RARB: variants seen among roughly 807,000 people sequenced by gnomAD.
RARB encodes retinoic acid receptor beta.
A neutral mutation model predicts 51.9 loss-of-function variants in RARB; 17 were observed. The ratio of observed to expected loss-of-function variants is 0.33; its 90% CI spans 0.22 to 0.49. The LOEUF (loss-of-function observed/expected upper bound fraction) is 0.49, where lower values mean the gene tolerates loss of function less well. Among genes scored for constraint, RARB ranks in the 20% least tolerant of loss-of-function variants. The pLI is 0.99. For synonymous variants in RARB, 215 were observed against 195.4 expected, an observed-to-expected ratio of 1.10 and a Z score of -0.84; for missense variants, 369 against 550.8, an observed-to-expected ratio of 0.67 and a Z score of 3.30.
chr3:25,034,862 A>G (rs1336234841), intron 2 of RARB, among the ~76,000 whole-genome samples: 2 of 152,214 alleles, frequency 1.3e-5, no homozygotes, highest in Non-Finnish European at 2.9e-5. Flanking sequence ...GAAACATTGG[A>G]GTGCCATTTC....
intron 2 of RARB, among the ~76,000 whole-genome samples, chr3:25,043,296 T>C (rs1052781854): frequency 1.3e-5 from 2 of 152,230 alleles, no homozygotes; most frequent in Non-Finnish European, 2.9e-5. Flanking sequence ...AAAATGTGTA[T>C]CTGGCCATTC....
intron 2 of RARB, among the ~76,000 whole-genome samples, chr3:25,487,468 G>A (rs899772036): frequency 1.3e-4 from 11 of 84,114 alleles, no homozygotes; most frequent in Non-Finnish European, 2.9e-4. Flanking sequence ...ATTTATGTCC[G>A]GCACTTTTTT....
chr3:25,451,190 G>A (rs1316385015), intron 1 of RARB, among the ~76,000 whole-genome samples: 2 of 152,312 alleles, frequency 1.3e-5, no homozygotes, highest in Admixed American at 1.3e-4. Flanking sequence ...GTGAAGGTTG[G>A]CTATCATTTA....
chr3:25,544,976 T>C (rs1699558099), intron 3 of RARB, among the ~76,000 whole-genome samples: 1 of 152,214 alleles, frequency 6.6e-6, no homozygotes, highest in Non-Finnish European at 1.5e-5. Flanking sequence ...TTGTTGTTTT[T>C]CTTGAGACGG....
At chr3:25,337,732 A>AT (rs1292932289) in intron 5 of RARB, among the ~76,000 whole-genome samples, 7 of 152,034 alleles carry the variant, frequency 4.6e-5, no homozygotes, top group East Asian at 1.9e-4. Context: ...ACCCTGCTTT[A>AT]TTTTTTTGTG....
At chr3:25,053,418 T>A (rs1244280302) in intron 2 of RARB, among the ~76,000 whole-genome samples, 2 of 152,172 alleles carry the variant, frequency 1.3e-5, no homozygotes, top group African/African-American at 4.8e-5. Context: ...AAAAGCAGTT[T>A]CCTTTGCTTA....
chr3:25,077,633 T>G (rs1321847079), intron 3 of RARB, among the ~76,000 whole-genome samples: 1 of 152,212 alleles, frequency 6.6e-6, no homozygotes, highest in East Asian at 1.9e-4. Flanking sequence ...TAAATAAAAC[T>G]GCTATGAAGA....
chr3:25,127,940 T>G (rs553424134), intron 3 of RARB, among the ~76,000 whole-genome samples: 2 of 152,104 alleles, frequency 1.3e-5, no homozygotes, highest in African/African-American at 2.4e-5. Context: ...TTTGGGTACA[T>G]GTACATAAGG....
chr3:24,898,803 T>C (rs1575060920), intron 2 of RARB, among the ~76,000 whole-genome samples: 3 of 152,214 alleles, frequency 2.0e-5, no homozygotes. Context: ...CTTTTGTCCT[T>C]CCTGTTGCGA....
At chr3:24,925,646 T>C (rs1695304788) in intron 2 of RARB, among the ~76,000 whole-genome samples, 1 of 133,018 alleles carries the variant, frequency 7.5e-6, no homozygotes. Context: ...ATCCTGTCTT[T>C]TTTTTTTTTA....
At chr3:25,338,474 T>A (rs1025208213) in intron 5 of RARB, among the ~76,000 whole-genome samples, 1 of 152,176 alleles carries the variant, frequency 6.6e-6, no homozygotes, top group Non-Finnish European at 1.5e-5. Flanking sequence ...GGAGAGTCTA[T>A]GTACTGAATT....
intron 5 of RARB, among the ~76,000 whole-genome samples, chr3:25,189,244 C>T (rs1053950135): frequency 1.3e-5 from 2 of 152,094 alleles, no homozygotes; most frequent in Admixed American, 6.5e-5. Flanking sequence ...ACCCTGTCTC[C>T]AGGTACATCG....
At chr3:25,355,134 A>G (rs2125459865) in intron 5 of RARB, among the ~76,000 whole-genome samples, 1 of 152,262 alleles carries the variant, frequency 6.6e-6, no homozygotes, top group East Asian at 1.9e-4. Flanking sequence ...ACAGCTTAGA[A>G]TACTACCTGG....
intron 5 of RARB, among the ~76,000 whole-genome samples, chr3:25,238,991 T>C (rs1315020971): frequency 2.0e-5 from 3 of 152,094 alleles, no homozygotes; most frequent in East Asian, 1.9e-4. Flanking sequence ...AAAGTAACAA[T>C]AGCCATGATA....
At chr3:25,329,175 G>C (rs886659074) in intron 5 of RARB, among the ~76,000 whole-genome samples, 2 of 152,220 alleles carry the variant, frequency 1.3e-5, no homozygotes, top group Admixed American at 6.5e-5. Context: ...GAAGAGAGTA[G>C]TGGTTCTCCC....
intron 3 of RARB, among the ~76,000 whole-genome samples, chr3:25,070,924 A>T (rs1234293739): frequency 6.6e-6 from 1 of 152,178 alleles, no homozygotes; most frequent in Non-Finnish European, 1.5e-5. Flanking sequence ...TTGGGGTATT[A>T]GCCTTTAAAG....
At chr3:24,926,863 T>C (rs1220170978) in intron 2 of RARB, among the ~76,000 whole-genome samples, 4 of 152,234 alleles carry the variant, frequency 2.6e-5, no homozygotes, top group Middle Eastern at 6.8e-3. Flanking sequence ...ACTCCCATCA[T>C]TAAGTTACTC....
At chr3:24,936,349 C>T (rs1312068007) in intron 2 of RARB, among the ~76,000 whole-genome samples, 2 of 151,982 alleles carry the variant, frequency 1.3e-5, no homozygotes, top group Non-Finnish European at 2.9e-5. Flanking sequence ...TGAAAATATC[C>T]CAAGACTATA....
intron 4 of RARB, among the ~76,000 whole-genome samples, chr3:25,163,697 G>T (rs890566901): frequency 6.6e-6 from 1 of 151,890 alleles, no homozygotes; most frequent in African/African-American, 2.4e-5. Flanking sequence ...ATTGAGTCAA[G>T]GACCCCGTTC....
Sources: allele counts gnomAD v4.1 joint callset (sites outside exome capture counted in the v4.1 genomes callset), GRCh38; gene constraint gnomAD v4.1.1; transcripts MANE v1.5; gene names NCBI Gene and HGNC (gene_info 2026-07-23, HGNC 2026-07-21).